DPP10: variants seen among roughly 807,000 people sequenced by gnomAD.
DPP10 encodes inactive dipeptidyl peptidase 10.
In DPP10, 33 loss-of-function variants were observed where a neutral mutation model predicts 120.9. The observed-to-expected ratio is 0.27, with a 90% CI of 0.21 to 0.37. The LOEUF is 0.37. Ranked by LOEUF, DPP10 falls within the 10% of genes least tolerant of loss-of-function variation. The pLI is 1.00. For synonymous variants in DPP10, 337 were observed against 326.1 expected (o/e 1.03, Z -0.36); for missense variants, 816 against 942.8 (o/e 0.87, Z 1.76).
intron 1 of DPP10, among the ~76,000 whole-genome samples, chr2:114,665,955 G>C (rs1697891345): frequency 6.6e-6 from 1 of 152,150 alleles, no homozygotes. Context: ...ATGTCTCTAA[G>C]CTTGAATGTA....
intron 1 of DPP10, among the ~76,000 whole-genome samples, chr2:114,552,815 G>A (rs755105531): frequency 6.6e-5 from 10 of 152,124 alleles, no homozygotes; most frequent in Non-Finnish European, 2.9e-5. Context: ...CAAAGTGCTG[G>A]AATTACAGGC....
At chr2:115,084,571 T>A (rs1708539792) in intron 1 of DPP10, among the ~76,000 whole-genome samples, 1 of 152,224 alleles carries the variant, frequency 6.6e-6, no homozygotes, top group Non-Finnish European at 1.5e-5. Flanking sequence ...CATGCTGTAA[T>A]AATTCAGAAG....
chr2:115,560,783 A>T (rs1249752734), intron 5 of DPP10, among the ~76,000 whole-genome samples: 3 of 151,656 alleles, frequency 2.0e-5, no homozygotes, highest in Non-Finnish European at 4.4e-5. Context: ...TTAATATTAA[A>T]CTCATCTTAC....
At chr2:115,136,489 CT>C (rs2050658716) in intron 1 of DPP10, among the ~76,000 whole-genome samples, 1 of 152,170 alleles carries the variant, frequency 6.6e-6, no homozygotes, top group Admixed American at 6.5e-5. Context: ...AATTATTCTT[CT>C]TGAAAGCTCA....
chr2:114,632,503 GTTTTTTTTTT>G (rs756591992), intron 1 of DPP10, among the ~76,000 whole-genome samples: 1 of 88,622 alleles, frequency 1.1e-5, no homozygotes, highest in African/African-American at 4.6e-5. Context: ...TGGACTTAGG[GTTTTTTTTTT>G]TTTTTTTTTT....
At position 115,590,917 on chromosome 2, in the gene DPP10, A is replaced by G. The variant is rs1256100204; in HGVS notation, c.441+64945A>G. Among the ~76,000 whole-genome samples the G allele has an allele frequency of 2.6e-5, 4 of 152,218 alleles. 1 individual carries two copies. Among genetic ancestry groups the G allele is most frequent in the African/African-American group, 7.2e-5 (3 of 41,456 alleles). ...TTTGATTTGCATTTCTCTGATGGCC[A>G]GTGATGATGAGTATTGTTTCATGTG... On this transcript the variant is annotated intron_variant, in intron 5 of 25. Coordinates refer to ENST00000410059, the MANE Select transcript of DPP10 (RefSeq NM_020868.6).
intron 1 of DPP10, among the ~76,000 whole-genome samples, chr2:114,628,332 A>G (rs1694663753): frequency 6.6e-6 from 1 of 152,196 alleles, no homozygotes. Flanking sequence ...ATTTTGAATC[A>G]GACATCCAGA....
chr2:114,981,084 G>A (rs1700060923), intron 1 of DPP10, among the ~76,000 whole-genome samples: 1 of 151,100 alleles, frequency 6.6e-6, no homozygotes. Context: ...GAGTAAATTG[G>A]CCCAGTCATT....
intron 1 of DPP10, among the ~76,000 whole-genome samples, chr2:115,245,466 A>G (rs1434867953): frequency 3.3e-5 from 5 of 152,182 alleles, no homozygotes; most frequent in Admixed American, 2.0e-4. Context: ...CAATTAAAAA[A>G]ATCAAAAAAT....
intron 1 of DPP10, among the ~76,000 whole-genome samples, chr2:115,001,725 C>T (rs1043265585): frequency 6.6e-6 from 1 of 151,998 alleles, no homozygotes; most frequent in Non-Finnish European, 1.5e-5. Context: ...GGTGCAATTC[C>T]AAACACTAGC....
At position 114,858,824 on chromosome 2, in the gene DPP10, A is replaced by G. The variant is rs1689572660; in HGVS notation, c.60+415986A>G. Among the ~76,000 whole-genome samples the G allele has an allele frequency of 2.0e-5, 3 of 152,172 alleles. No homozygotes were observed. The South Asian group carries it at 6.2e-4, about 32-fold the overall frequency. ...GTGCTTTTTAATATTTACATTTTAC[A>G]AAAGGAGAGGAATTTGGAATCCTGC... On this transcript the variant is annotated intron_variant, in intron 1 of 25. Transcript: ENST00000410059.
chr2:114,866,430 G>A (rs569816406), intron 1 of DPP10, among the ~76,000 whole-genome samples: 1 of 152,104 alleles, frequency 6.6e-6, no homozygotes, highest in African/African-American at 2.4e-5. Flanking sequence ...CATAAGAAAA[G>A]GATTATATAA....
chr2:115,809,012 T>C (rs1310453145), intron 19 of DPP10, among the ~76,000 whole-genome samples: 1 of 152,118 alleles, frequency 6.6e-6, no homozygotes, highest in Non-Finnish European at 1.5e-5. Flanking sequence ...TAAACTAGGG[T>C]GAGGAATTTG....
At chr2:114,681,785 T>A (rs1327539370) in intron 1 of DPP10, among the ~76,000 whole-genome samples, 1 of 152,072 alleles carries the variant, frequency 6.6e-6, no homozygotes, top group East Asian at 1.9e-4. Flanking sequence ...TATTTCTTTG[T>A]CATCCAACAT....
intron 1 of DPP10, among the ~76,000 whole-genome samples, chr2:114,536,662 C>T (rs1456993031): frequency 6.6e-6 from 1 of 152,168 alleles, no homozygotes; most frequent in East Asian, 1.9e-4. Context: ...GTCTCGGCCT[C>T]TTAAAGGGCT....
chr2:114,939,372 C>T (rs1696728809), intron 1 of DPP10, among the ~76,000 whole-genome samples: 1 of 152,044 alleles, frequency 6.6e-6, no homozygotes, highest in African/African-American at 2.4e-5. Context: ...AAGTTGTGTA[C>T]TGCCTTTATT....
intron 1 of DPP10, among the ~76,000 whole-genome samples, chr2:114,605,074 A>G (rs1253806957): frequency 6.6e-6 from 1 of 152,144 alleles, no homozygotes; most frequent in Non-Finnish European, 1.5e-5. Context: ...CCAAATACAG[A>G]AAGGCCTTGC....
intron 1 of DPP10, among the ~76,000 whole-genome samples, chr2:114,629,047 T>A (rs1319317063): frequency 2.0e-5 from 3 of 152,148 alleles, no homozygotes; most frequent in African/African-American, 7.2e-5. Context: ...AGCTGGTGGA[T>A]CATGTTGTGC....
At chr2:115,269,010 G>A (rs2059579631) in intron 1 of DPP10, among the ~76,000 whole-genome samples, 1 of 152,142 alleles carries the variant, frequency 6.6e-6, no homozygotes, top group African/African-American at 2.4e-5. Flanking sequence ...AGCTGGGCGT[G>A]GTGGCACGCA....
Sources: gnomAD v4.1 joint callset for allele counts (sites outside exome capture counted in the v4.1 genomes callset) on GRCh38, gnomAD v4.1.1 for gene constraint, MANE v1.5 for transcripts, NCBI Gene and HGNC (gene_info 2026-07-23, HGNC 2026-07-21) for gene names.